The following OXCT1 variants were observed in gnomAD, a reference collection of about 807,000 sequenced individuals.
OXCT1 encodes the protein succinyl-CoA:3-ketoacid coenzyme A transferase 1, mitochondrial.
Under a neutral mutation model 69.6 loss-of-function variants are expected in OXCT1, and 27 were observed. The observed-to-expected ratio is 0.39, with a 90% CI of 0.29 to 0.54. The LOEUF is 0.54. OXCT1 is among the 20% of genes least tolerant of loss of function. The pLI is 0.72. For missense variants in OXCT1, 437 were observed against 650.2 expected, an observed-to-expected ratio of 0.67 and a Z score of 3.57; for synonymous variants, 202 against 217.8, an observed-to-expected ratio of 0.93 and a Z score of 0.64.
intron 9 of OXCT1, 93 bp from the exon 10 acceptor site, chr5:41,803,256 T>C: frequency 1.2e-6 from 1 of 822,490 alleles, no homozygotes; most frequent in East Asian, 2.5e-5. Context: ...AGAAGCTTTA[T>C]TTAAAGGTGG....
chr5:41,739,469 T>G lies in OXCT1; in HGVS notation c.1442A>C (p.Lys481Thr), dbSNP rs966539737. ...GAGCTCAATCAGAGTCAACCCTTTCTTCTTGTCCACATCAAACACAGCCTG... is the reference window on the plus strand; with the variant it reads ...GAGCTCAATCAGAGTCAACCCTTTCGTCTTGTCCACATCAAACACAGCCTG... ...TEKAVFDVDK[K>T]KGLTLIELWE... Residue 481 changes from lysine (K) to threonine (T), a missense_variant, in exon 16 of 17, where the codon AAG becomes ACG. Coordinates refer to ENST00000196371, the MANE Select transcript of OXCT1 (RefSeq NM_000436.4). 6.2e-7 allele frequency: 1 copy of G among 1,613,312 alleles called. No individual in the cohort carries two copies. The highest frequency in any genetic ancestry group is 8.5e-7 in the Non-Finnish European group (1 of 1,179,248).
At chr5:41,800,055 A>G (rs1408540801) in intron 11 of OXCT1, among the ~76,000 whole-genome samples, 1 of 152,200 alleles carries the variant, frequency 6.6e-6, no homozygotes, top group African/African-American at 2.4e-5. Context: ...CAGGGATGAC[A>G]TATGGCTCCA....
At chr5:41,732,228 A>G (rs1252094089) in intron 16 of OXCT1, among the ~76,000 whole-genome samples, 2 of 152,238 alleles carry the variant, frequency 1.3e-5, no homozygotes, top group Non-Finnish European at 2.9e-5. Context: ...ACCTAAATAC[A>G]TATTAATGAA....
Position 41,870,420 on chromosome 5 carries a change from G to T in OXCT1, c.-62C>A. Reference sequence around the variant, plus strand: ...AGCGCGCGTTTGAGCGTCGGTGCGCGACTGCGAAGGAAACCCGGGCGGGCT... The same window carrying T: ...AGCGCGCGTTTGAGCGTCGGTGCGCTACTGCGAAGGAAACCCGGGCGGGCT... On this transcript the variant is annotated 5_prime_UTR_variant, in exon 1 of 17. Coordinates refer to ENST00000196371, the MANE Select transcript of OXCT1 (RefSeq NM_000436.4). The surrounding 1 kb of genome is among the most constrained non-coding windows in gnomAD (Gnocchi z 4.2). 18 of 1,278,494 alleles carry T rather than the reference G, an allele frequency of 1.4e-5. No individual in the cohort carries two copies. The highest frequency in any genetic ancestry group is 4.9e-5 in the South Asian group (4 of 82,252). The allele number at this position is 1,278,494 out of a possible 1,614,324, so 79.2% of individuals were successfully genotyped here.
intron 7 of OXCT1, among the ~76,000 whole-genome samples, chr5:41,812,582 A>G (rs187796289): frequency 2.6e-5 from 4 of 152,188 alleles, no homozygotes; most frequent in East Asian, 1.9e-4. Flanking sequence ...GGACTCCTCA[A>G]AATGCTCAAG....
chr5:41,837,867 A>G (rs1366940233), intron 7 of OXCT1, among the ~76,000 whole-genome samples: 1 of 152,198 alleles, frequency 6.6e-6, no homozygotes, highest in East Asian at 1.9e-4. Flanking sequence ...TCTATGCCTT[A>G]AAGTCATCAT....
At chr5:41,815,178 T>C (rs1747179933) in intron 7 of OXCT1, among the ~76,000 whole-genome samples, 1 of 152,120 alleles carries the variant, frequency 6.6e-6, no homozygotes, top group Non-Finnish European at 1.5e-5. Flanking sequence ...CTGAAAAAAG[T>C]AGAACTGTTA....
intron 15 of OXCT1, among the ~76,000 whole-genome samples, chr5:41,742,473 T>C (rs1743216614): frequency 6.6e-6 from 1 of 152,246 alleles, no homozygotes; most frequent in Non-Finnish European, 1.5e-5. Flanking sequence ...TGCATCTTTC[T>C]TTTATTTTAC....
At chr5:41,815,737 AC>A (rs1414082951) in intron 7 of OXCT1, among the ~76,000 whole-genome samples, 1 of 152,156 alleles carries the variant, frequency 6.6e-6, no homozygotes, top group African/African-American at 2.4e-5. Flanking sequence ...ATTATCATAT[AC>A]CCCAAGGAAA....
Position 41,795,864 on chromosome 5 carries a change from T to C in OXCT1, c.1100-1115A>G, listed in dbSNP as rs576803863. Among the ~76,000 whole-genome samples, 4 of 152,226 alleles carry C rather than the reference T, an allele frequency of 2.6e-5. No individual in the cohort carries two copies. The South Asian group carries it at 8.3e-4, about 32-fold the overall frequency. ...AAACAATTTTTATTGGTTAAGTATA[T>C]CTCAGTGAAGCTGGGGAGAAATAAA... is the stretch of plus-strand genomic sequence containing the variant. On this transcript the variant is annotated intron_variant, in intron 11 of 16. Coordinates refer to ENST00000196371, the MANE Select transcript of OXCT1 (RefSeq NM_000436.4).
chr5:41,810,925 G>C (rs1746950505), intron 7 of OXCT1, among the ~76,000 whole-genome samples: 1 of 151,886 alleles, frequency 6.6e-6, no homozygotes, highest in Non-Finnish European at 1.5e-5. Context: ...TGAGGGGGAG[G>C]AAGAGGGAGA....
At chr5:41,746,728 TG>T (rs1743511058) in intron 15 of OXCT1, among the ~76,000 whole-genome samples, 1 of 152,118 alleles carries the variant, frequency 6.6e-6, no homozygotes, top group African/African-American at 2.4e-5. Flanking sequence ...AATATCTGAC[TG>T]GGTATTCCCA....
chr5:41,853,389 G>A (rs371698487), intron 4 of OXCT1, 30 bp downstream of exon 4: 9 of 1,595,694 alleles, frequency 5.6e-6, no homozygotes, highest in Non-Finnish European at 7.7e-6. Context: ...AAGTAAGTTA[G>A]TATTATAAAA....
intron 14 of OXCT1, 132 bp downstream of exon 14, chr5:41,761,979 C>A (rs1744370955): frequency 2.2e-5 from 16 of 738,496 alleles, no homozygotes; most frequent in Admixed American, 1.3e-4. Context: ...CTTTCTCTCT[C>A]AAATGTAAAT....
intron 7 of OXCT1, among the ~76,000 whole-genome samples, chr5:41,822,499 G>A (rs751513456): frequency 4.1e-4 from 62 of 151,718 alleles, no homozygotes; most frequent in Non-Finnish European, 6.6e-4. Flanking sequence ...GTTGTGTTTT[G>A]AGACCATTTC....
chr5:41,733,871 G>C (rs1742760514), intron 16 of OXCT1, among the ~76,000 whole-genome samples: 1 of 152,162 alleles, frequency 6.6e-6, no homozygotes, highest in Non-Finnish European at 1.5e-5. Flanking sequence ...CTGCCAACGT[G>C]ATCTGCAGGC....
At chr5:41,823,581 G>C (rs1747667375) in intron 7 of OXCT1, among the ~76,000 whole-genome samples, 2 of 152,202 alleles carry the variant, frequency 1.3e-5, no homozygotes, top group Non-Finnish European at 2.9e-5. Context: ...GGTTTGCCCT[G>C]TGACTTTAAT....
intron 15 of OXCT1, among the ~76,000 whole-genome samples, chr5:41,747,191 C>T (rs983671189): frequency 3.9e-5 from 6 of 152,034 alleles, no homozygotes; most frequent in Non-Finnish European, 7.4e-5. Context: ...ATTATTTGAC[C>T]CCTCACTGCC....
chr5:41,735,568 A>T (rs1029026174), intron 16 of OXCT1, among the ~76,000 whole-genome samples: 1 of 152,192 alleles, frequency 6.6e-6, no homozygotes, highest in African/African-American at 2.4e-5. Context: ...AAGATGGTAA[A>T]TTTTTTTAAA....
Sources: allele counts gnomAD v4.1 joint callset (sites outside exome capture counted in the v4.1 genomes callset), GRCh38; gene constraint gnomAD v4.1.1; non-coding constraint Gnocchi (gnomAD v3.1); transcripts MANE v1.5; gene names NCBI Gene and HGNC (gene_info 2026-07-23, HGNC 2026-07-21).